Variants in RGS5 observed in about 807,000 individuals in gnomAD.
RGS5 encodes the protein regulator of G-protein signalling 5.
A neutral mutation model predicts 18.9 loss-of-function variants in RGS5; 20 were observed. The observed-to-expected ratio is 1.06, with a 90% CI of 0.74 to 1.54. RGS5 has a LOEUF of 1.54. Ranked by LOEUF, RGS5 falls within the 40% of genes most tolerant of loss-of-function variation. The probability of loss-of-function intolerance (pLI) is 0.00; values close to 1 mark genes in which losing one functional copy is unlikely to be tolerated. For missense variants in RGS5, 201 were observed against 211.8 expected, an observed-to-expected ratio of 0.95 and a Z score of 0.32; for synonymous variants, 57 against 76.2, an observed-to-expected ratio of 0.75 and a Z score of 1.31.
At chr1:163,156,325 A>C (rs1657579612) in intron 3 of RGS5, among the ~76,000 whole-genome samples, 1 of 152,174 alleles carries the variant, frequency 6.6e-6, no homozygotes, top group African/African-American at 2.4e-5. Flanking sequence ...ACCTGACATA[A>C]TTATTATTAT....
chr1:163,229,319 T>C (rs1647414268), intron 2 of RGS5, among the ~76,000 whole-genome samples: 1 of 152,140 alleles, frequency 6.6e-6, no homozygotes, highest in South Asian at 2.1e-4. Context: ...CAAACTCTTA[T>C]TGAACCATCA....
At chr1:163,320,090 T>C (rs1354692095) in intron 1 of RGS5, among the ~76,000 whole-genome samples, 1 of 152,182 alleles carries the variant, frequency 6.6e-6, no homozygotes, top group Non-Finnish European at 1.5e-5. Context: ...TATAACAAAA[T>C]GGTTGTCTTG....
chr1:163,218,525 CACA>C (rs1376780299), upstream of RGS5, among the ~76,000 whole-genome samples: 24 of 150,770 alleles, frequency 1.6e-4, no homozygotes, highest in African/African-American at 5.8e-4. Flanking sequence ...TTAATAGTTT[CACA>C]ACTATATTTC....
chr1:163,257,389 T>C (rs1648300830), intron 2 of RGS5, among the ~76,000 whole-genome samples: 1 of 151,982 alleles, frequency 6.6e-6, no homozygotes, highest in South Asian at 2.1e-4. Context: ...AGGGTCTCAT[T>C]TGGGGATCTA....
chr1:163,175,794 T>C (rs1353208481), intron 1 of RGS5, among the ~76,000 whole-genome samples: 2 of 152,198 alleles, frequency 1.3e-5, no homozygotes, highest in East Asian at 3.8e-4. Context: ...TAATATATGA[T>C]ACATGATGGA....
intron 2 of RGS5, among the ~76,000 whole-genome samples, chr1:163,298,990 A>G (rs1447216739): frequency 6.6e-6 from 1 of 150,774 alleles, no homozygotes; most frequent in African/African-American, 2.5e-5. Context: ...AAGCACATAC[A>G]TGAGAGGATG....
chr1:163,257,097 A>T (rs1482080446), intron 2 of RGS5, among the ~76,000 whole-genome samples: 1 of 152,218 alleles, frequency 6.6e-6, no homozygotes, highest in Non-Finnish European at 1.5e-5. Flanking sequence ...AAGATGATTC[A>T]GACAGCATCC....
At chr1:163,192,172 A>G (rs1394169347) in intron 1 of RGS5, among the ~76,000 whole-genome samples, 5 of 152,204 alleles carry the variant, frequency 3.3e-5, no homozygotes, top group African/African-American at 1.2e-4. Flanking sequence ...CATTATATAA[A>G]TTATTGAAGC....
In RGS5 at chr1:163,147,280, G is replaced by T; in HGVS notation, c.*62C>A. The T allele has an allele frequency of 3.4e-6, 5 of 1,487,374 alleles. No homozygotes were observed. The highest frequency in any genetic ancestry group is 4.5e-6 in the Non-Finnish European group (5 of 1,108,722). The allele number at this position is 1,487,374 out of a possible 1,614,324, so 92.1% of individuals were successfully genotyped here. On this transcript the variant is annotated 3_prime_UTR_variant, in exon 5 of 5. Transcript: ENST00000313961. Reference sequence around the variant, plus strand: ...TGTGGGAAGATATGTAGATTAATGGGAAATGCAGGGTTATTATGGAGGAAA... The same window carrying T: ...TGTGGGAAGATATGTAGATTAATGGTAAATGCAGGGTTATTATGGAGGAAA...
At chr1:163,274,655 G>A (rs1329339435) in intron 2 of RGS5, among the ~76,000 whole-genome samples, 1 of 152,190 alleles carries the variant, frequency 6.6e-6, no homozygotes, top group African/African-American at 2.4e-5. Context: ...TGAGTTGGGG[G>A]CACTCTGTGG....
chr1:163,193,627 CTA>C (rs1391044930), intron 1 of RGS5, among the ~76,000 whole-genome samples: 2 of 152,080 alleles, frequency 1.3e-5, no homozygotes, highest in Non-Finnish European at 2.9e-5. Flanking sequence ...TGGAGGCAAA[CTA>C]TATGTTCCTA....
chr1:163,191,393 CA>C (rs1222359065), intron 1 of RGS5, among the ~76,000 whole-genome samples: 1 of 151,956 alleles, frequency 6.6e-6, no homozygotes, highest in African/African-American at 2.4e-5. Flanking sequence ...ATCATTTATT[CA>C]GACCAAGGAA....
At chr1:163,278,190 A>G (rs1331986605) in intron 2 of RGS5, among the ~76,000 whole-genome samples, 2 of 152,080 alleles carry the variant, frequency 1.3e-5, no homozygotes, top group African/African-American at 4.8e-5. Flanking sequence ...ATTAAATCCA[A>G]AAAGGTCCTG....
rs1187670218 is a variant in RGS5 at position 163,168,267 on chromosome 1, T to G, written c.146A>C (p.Lys49Thr). Residue 49 changes from lysine (K) to threonine (T), a missense_variant, in exon 2 of 5, where the codon AAG becomes ACG. By Grantham distance (78) the Lys-to-Thr change is moderately conservative (BLOSUM62 -1). Coordinates refer to ENST00000313961, the MANE Select transcript of RGS5 (RefSeq NM_003617.4). ...PYNEKPEKPA[K>T]TQKTSLDEAL... is the part of the protein sequence containing the mutation. ...CATATTCATGACTCACTTCTGGGTC[T>G]TGGCTGGTTTCTCTGGCTTCTCATT... The G allele has an allele frequency of 6.2e-7, 1 of 1,612,860 alleles. No homozygotes were observed. The highest frequency in any genetic ancestry group is 8.5e-7 in the Non-Finnish European group (1 of 1,179,034).
In RGS5 at chr1:163,317,769, C is replaced by T. The variant is rs74117681; in HGVS notation, c.-378+3853G>A. On this transcript the variant is annotated intron_variant, in intron 1 of 5. Transcript: ENST00000618415. ...TGTTCTTCTTCATAAACATTGTTAG[C>T]CTCTATCTAGAATACTTGTTTTTTA... is the stretch of plus-strand genomic sequence containing the variant. Among the ~76,000 whole-genome samples the T allele has an allele frequency of 2.1e-3, 318 of 152,200 alleles. 1 individual carries two copies. The highest frequency in any genetic ancestry group is 7.4e-3 in the African/African-American group (308 of 41,540).
intron 1 of RGS5, among the ~76,000 whole-genome samples, chr1:163,194,416 G>A (rs1659478355): frequency 6.6e-6 from 1 of 152,092 alleles, no homozygotes; most frequent in Non-Finnish European, 1.5e-5. Context: ...AAAATACATG[G>A]TGTCCCAATT....
At chr1:163,221,642 A>G (rs1166791784), upstream of RGS5, among the ~76,000 whole-genome samples, 1 of 152,204 alleles carries the variant, frequency 6.6e-6, no homozygotes, top group African/African-American at 2.4e-5. Flanking sequence ...TTTGTTGCAA[A>G]TTAGTATAAA....
intron 1 of RGS5, among the ~76,000 whole-genome samples, chr1:163,311,036 A>T (rs922260657): frequency 2.0e-5 from 3 of 152,192 alleles, no homozygotes; most frequent in Admixed American, 1.3e-4. Context: ...CCTTCACCTG[A>T]TCTCTCCCTT....
At chr1:163,176,634 G>A (rs373758522) in intron 1 of RGS5, among the ~76,000 whole-genome samples, 7 of 123,262 alleles carry the variant, frequency 5.7e-5, no homozygotes, top group African/African-American at 1.8e-4. Flanking sequence ...AAAAAAAAAA[G>A]AAAAGAAAAA....
Sources: allele counts gnomAD v4.1 joint callset (sites outside exome capture counted in the v4.1 genomes callset), GRCh38; gene constraint gnomAD v4.1.1; transcripts MANE v1.5; gene names NCBI Gene and HGNC (gene_info 2026-07-23, HGNC 2026-07-21).